IFT80: variants seen among roughly 807,000 people sequenced by gnomAD.
IFT80 encodes intraflagellar transport 80.
IFT80 carries 79 observed loss-of-function variants against 107.9 expected under a neutral mutation model. The observed-to-expected ratio is 0.73, with a 90% CI of 0.61 to 0.88. The LOEUF (loss-of-function observed/expected upper bound fraction) is 0.88, where lower values mean the gene tolerates loss of function less well. IFT80 is among the 40% of genes least tolerant of loss of function. The probability of loss-of-function intolerance (pLI) is 0.00; values close to 1 mark genes in which losing one functional copy is unlikely to be tolerated. For missense variants in IFT80, 797 were observed against 914.2 expected (o/e 0.87, Z 1.65); for synonymous variants, 299 against 300.9 (o/e 0.99, Z 0.07).
intron 8 of IFT80, among the ~76,000 whole-genome samples, chr3:160,348,060 G>A (rs1720423541): frequency 6.6e-6 from 1 of 151,598 alleles, no homozygotes; most frequent in South Asian, 2.1e-4. Flanking sequence ...TGAAACTGAG[G>A]GTTTTAGGTC....
intron 1 of IFT80, among the ~76,000 whole-genome samples, chr3:160,398,690 T>C (rs901829472): frequency 2.0e-5 from 3 of 152,178 alleles, no homozygotes; most frequent in Admixed American, 2.0e-4. Flanking sequence ...GGAACAGGAA[T>C]CGCCAAACTT....
At chr3:160,291,381 AC>A (rs1715538000) in intron 12 of IFT80, among the ~76,000 whole-genome samples, 1 of 152,236 alleles carries the variant, frequency 6.6e-6, no homozygotes, top group Admixed American at 6.5e-5. Context: ...TTGAGTAGGA[AC>A]ACATTACTGG....
intron 10 of IFT80, among the ~76,000 whole-genome samples, chr3:160,304,375 T>C (rs1362958824): frequency 6.6e-6 from 1 of 152,152 alleles, no homozygotes; most frequent in Non-Finnish European, 1.5e-5. Context: ...TGATAGCTTT[T>C]TGTTAGACAT....
rs1721843816 is a variant in IFT80 at position 160,366,123 on chromosome 3, G to T, written c.469C>A (p.Pro157Thr). Residue 157 changes from proline (P) to threonine (T), a missense_variant, in exon 6 of 20, where the codon CCT (proline) becomes ACT (threonine). Pro to Thr is a conservative substitution (Grantham distance 38, BLOSUM62 -1). Coordinates refer to ENST00000326448, the MANE Select transcript of IFT80 (RefSeq NM_020800.3). Reference protein sequence around the residue: ...GTPVYSVAWGPDSEKVLYTAG... With the variant: ...GTPVYSVAWGTDSEKVLYTAG... Reference sequence around the variant, plus strand: ...GTATAAAGAACCTTTTCTGAATCAGGGCCCCACGCTACTGAATACACTGGT... The same window carrying T: ...GTATAAAGAACCTTTTCTGAATCAGTGCCCCACGCTACTGAATACACTGGT... 3.7e-6 allele frequency: 6 copies of T among 1,612,096 alleles called. No individual in the cohort carries two copies. The highest frequency in any genetic ancestry group is 5.1e-6 in the Non-Finnish European group (6 of 1,178,914).
intron 12 of IFT80, among the ~76,000 whole-genome samples, chr3:160,287,127 G>A (rs2108243222): frequency 6.6e-6 from 1 of 152,286 alleles, no homozygotes; most frequent in South Asian, 2.1e-4. Flanking sequence ...GGAGCTTCCT[G>A]GTTAGTGAAC....
rs1047449873 is a variant in IFT80 at position 160,276,994 on chromosome 3, A to G, written c.2099+312T>C. 2.6e-5 allele frequency among the ~76,000 whole-genome samples: 4 copies of G among 152,164 alleles called. No homozygotes were observed. The East Asian group carries it at 5.8e-4, about 22-fold the overall frequency. ...ACTTTTTGCGAGTATTTCAAATTCA[A>G]CTTGGCTAAAATGAAACTCAATATC... On this transcript the variant is annotated intron_variant, in intron 18 of 19. Coordinates refer to ENST00000326448, the MANE Select transcript of IFT80 (RefSeq NM_020800.3).
intron 18 of IFT80, among the ~76,000 whole-genome samples, chr3:160,275,417 A>C (rs570156222): frequency 1.3e-5 from 2 of 152,180 alleles, no homozygotes; most frequent in Non-Finnish European, 2.9e-5. Flanking sequence ...ATTACTGTTT[A>C]TCTCTCTAAT....
At chr3:160,342,785 T>G (rs17236389) in intron 8 of IFT80, 22,882 of 152,496 alleles carry the variant, frequency 0.15, 2,174 homozygotes, top group Non-Finnish European at 0.21. Context: ...AAGGCGTTTA[T>G]GCTTGAGATG....
At chr3:160,324,901 CT>C (rs1718567748) in intron 8 of IFT80, among the ~76,000 whole-genome samples, 2 of 151,696 alleles carry the variant, frequency 1.3e-5, no homozygotes, top group Admixed American at 6.6e-5. Flanking sequence ...AGCCCAAAAT[CT>C]CCTTAAGCTG....
chr3:160,331,012 G>T (rs1400783766), intron 8 of IFT80, among the ~76,000 whole-genome samples: 1 of 152,062 alleles, frequency 6.6e-6, no homozygotes, highest in Non-Finnish European at 1.5e-5. Context: ...CAATTTCATA[G>T]ATAGAAGATT....
chr3:160,270,989 A>G (rs138187603), intron 18 of IFT80, among the ~76,000 whole-genome samples: 1 of 152,298 alleles, frequency 6.6e-6, no homozygotes, highest in East Asian at 1.9e-4. Context: ...AAACATCAAT[A>G]CATTTAATTA....
intron 13 of IFT80, 123 bp downstream of exon 13, chr3:160,285,681 T>G: frequency 1.4e-6 from 1 of 706,062 alleles, no homozygotes; most frequent in East Asian, 2.8e-5. Flanking sequence ...CAATGGAGAA[T>G]GCACATTGAT....
intron 13 of IFT80, 142 bp downstream of exon 13, chr3:160,285,662 C>CA (rs1715035937): frequency 1.6e-6 from 1 of 621,774 alleles, no homozygotes; most frequent in South Asian, 2.2e-5. Context: ...CATCTTTAGG[C>CA]AAAATAGTCA....
In IFT80 at chr3:160,268,525, A is replaced by C; in HGVS notation, c.2111T>G (p.Leu704Trp). 3 of 1,613,340 alleles carry C rather than the reference A, an allele frequency of 1.9e-6. No homozygotes were observed. The highest frequency in any genetic ancestry group is 2.5e-6 in the Non-Finnish European group (3 of 1,179,452). Residue 704 changes from leucine (L) to tryptophan (W), a missense_variant, in exon 19 of 20, where the codon TTG (leucine) becomes TGG (tryptophan). Coordinates refer to ENST00000326448, the MANE Select transcript of IFT80 (RefSeq NM_020800.3). ...NLYNWERALE[L>W]AVKYKTHVDT... ...AACATGTGTTTTGTATTTTACAGCC[A>C]ATTCCAGTGCCCTATAATGAGAAAT...
intron 6 of IFT80, among the ~76,000 whole-genome samples, chr3:160,362,542 G>A (rs1233878853): frequency 6.6e-6 from 1 of 152,036 alleles, no homozygotes; most frequent in African/African-American, 2.4e-5. Context: ...ATGCTGATAC[G>A]AAAGCCTGGC....
intron 13 of IFT80, among the ~76,000 whole-genome samples, chr3:160,284,603 C>T (rs1037986662): frequency 2.0e-5 from 3 of 152,182 alleles, no homozygotes; most frequent in Admixed American, 2.0e-4. Flanking sequence ...TTCACAGTTA[C>T]ACTAGCACAT....
intron 8 of IFT80, among the ~76,000 whole-genome samples, chr3:160,329,238 A>C (rs1718906176): frequency 2.0e-5 from 3 of 152,180 alleles, no homozygotes; most frequent in Non-Finnish European, 1.5e-5. Flanking sequence ...TCTATTTATC[A>C]TGTGTGCTTT....
chr3:160,271,741 A>T (rs1327149711), intron 18 of IFT80, among the ~76,000 whole-genome samples: 2 of 152,150 alleles, frequency 1.3e-5, no homozygotes, highest in Non-Finnish European at 2.9e-5. Context: ...AGATTCAGGG[A>T]TATTAAAAGC....
At chr3:160,294,582 G>A (rs1236590575) in intron 12 of IFT80, among the ~76,000 whole-genome samples, 1 of 152,216 alleles carries the variant, frequency 6.6e-6, no homozygotes, top group Admixed American at 6.5e-5. Context: ...AGTACATTCA[G>A]TTGGAGTAGA....
Sources: gnomAD v4.1 joint callset for allele counts (sites outside exome capture counted in the v4.1 genomes callset) on GRCh38, gnomAD v4.1.1 for gene constraint, MANE v1.5 for transcripts, NCBI Gene and HGNC (gene_info 2026-07-23, HGNC 2026-07-21) for gene names.